Variants in ATP9A observed in about 807,000 individuals in gnomAD.
The protein encoded by ATP9A is ATPase phospholipid transporting 9A.
In ATP9A, 52 loss-of-function variants were observed where a neutral mutation model predicts 144.1. The observed-to-expected ratio is 0.36, with a 90% CI of 0.29 to 0.45. The LOEUF is 0.45. Among genes scored for constraint, ATP9A ranks in the 20% least tolerant of loss-of-function variants. The pLI is 1.00. For missense variants in ATP9A, 947 were observed against 1,392.7 expected (o/e 0.68, Z 5.09); for synonymous variants, 582 against 557.4 (o/e 1.04, Z -0.62).
In ATP9A at chr20:51,639,534, T is replaced by C. The variant is rs753987863; in HGVS notation, c.1507-30A>G. 1.6e-5 allele frequency: 25 copies of C among 1,578,266 alleles called. No individual in the cohort carries two copies. In the Admixed American group the frequency reaches 4.1e-4, roughly 26 times the overall value. On this transcript the variant is annotated intron_variant, in intron 14 of 27. Coordinates refer to ENST00000338821, the MANE Select transcript of ATP9A (RefSeq NM_006045.3). ...ACATAACACAGGGTCGAAGGTCAGA[T>C]GCCCAGCCGAGAATCTGGGTTCACA...
chr20:51,731,702 G>A (rs1033896833), intron 1 of ATP9A, among the ~76,000 whole-genome samples: 29 of 150,662 alleles, frequency 1.9e-4, no homozygotes, highest in African/African-American at 6.2e-4. Context: ...CTGGGTGACA[G>A]AGGGAGACTC....
intron 8 of ATP9A, among the ~76,000 whole-genome samples, chr20:51,689,377 G>A (rs115723798): frequency 2.6e-5 from 4 of 152,078 alleles, no homozygotes; most frequent in African/African-American, 4.8e-5. Flanking sequence ...TTTAAGAAGC[G>A]CAGGCCTCTT....
chr20:51,635,323 T>TACCACCATAGA (rs1302103181), intron 15 of ATP9A, among the ~76,000 whole-genome samples: 1 of 152,128 alleles, frequency 6.6e-6, no homozygotes, highest in East Asian at 1.9e-4. Flanking sequence ...ATGTGGGTCC[T>TACCACCATAGA]ACCACCATAG....
chr20:51,757,479 A>T (rs2077861529), intron 1 of ATP9A, among the ~76,000 whole-genome samples: 2 of 152,170 alleles, frequency 1.3e-5, no homozygotes, highest in South Asian at 4.1e-4. Context: ...TGCCACAGAG[A>T]TTTAATTGGG....
intron 15 of ATP9A, among the ~76,000 whole-genome samples, chr20:51,631,347 C>A (rs1353736636): frequency 6.6e-6 from 1 of 152,178 alleles, no homozygotes; most frequent in Admixed American, 6.5e-5. Context: ...CTGCTCTTGA[C>A]GCAGGCCAAA....
intron 4 of ATP9A, among the ~76,000 whole-genome samples, chr20:51,707,853 TTGTGTG>T (rs146098575): frequency 2.7e-5 from 4 of 150,530 alleles, no homozygotes; most frequent in African/African-American, 7.3e-5. Context: ...TCAACTGTGT[TTGTGTG>T]TGTGTGTGTG....
In ATP9A at chr20:51,651,257, TATATTATATAATATATATTTACATA is replaced by T. The variant is rs1312928175; in HGVS notation, c.1506+5656_1506+5680del. Reference sequence around the variant, plus strand: ...ATTTACATAATATATATTTACATAATATATTATATAATATATATTTACATAATATATTATATAATATATATTTACA... The same window carrying T: ...ATTTACATAATATATATTTACATAATATATATTATATAATATATATTTACA... On this transcript the variant is annotated intron_variant, in intron 14 of 27. Transcript: ENST00000338821. Among the ~76,000 whole-genome samples the T allele has an allele frequency of 5.2e-3, 658 of 125,534 alleles. 18 individuals carry two copies. The highest frequency in any genetic ancestry group is 7.9e-3 in the Non-Finnish European group (458 of 57,782). The allele number at this position is 125,534 out of a possible 152,430, so 82.4% of individuals were successfully genotyped here.
chr20:51,715,834 G>A (rs1470766836), intron 3 of ATP9A, among the ~76,000 whole-genome samples: 3 of 152,154 alleles, frequency 2.0e-5, no homozygotes, highest in Admixed American at 1.3e-4. Context: ...AGCTTTAATG[G>A]GCAGGGGAAG....
intron 9 of ATP9A, among the ~76,000 whole-genome samples, chr20:51,677,305 CA>C (rs2077481568): frequency 6.6e-6 from 1 of 152,108 alleles, no homozygotes; most frequent in Admixed American, 6.6e-5. Flanking sequence ...CTACACTGAC[CA>C]AAAGAACAGT....
chr20:51,733,503 AGCTGGGATTACAG>A (rs1322372014), intron 1 of ATP9A, among the ~76,000 whole-genome samples: 1 of 151,920 alleles, frequency 6.6e-6, no homozygotes, highest in Non-Finnish European at 1.5e-5. Flanking sequence ...CCTCCTGAGT[AGCTGGGATTACAG>A]GCGTGCGCCA....
At chr20:51,675,452 G>A (rs543922723) in intron 10 of ATP9A, among the ~76,000 whole-genome samples, 1 of 152,166 alleles carries the variant, frequency 6.6e-6, no homozygotes, top group African/African-American at 2.4e-5. Flanking sequence ...GACAGGGCAC[G>A]GTGCTTCCTG....
intron 11 of ATP9A, 89 bp from the exon 12 acceptor site, chr20:51,671,346 C>CAAAA: frequency 2.1e-6 from 3 of 1,454,120 alleles, no homozygotes; most frequent in Non-Finnish European, 1.9e-6. Context: ...AACACATGTG[C>CAAAA]CATCGCATCC....
intron 1 of ATP9A, among the ~76,000 whole-genome samples, chr20:51,762,369 G>A (rs375984181): frequency 7.6e-4 from 115 of 152,106 alleles, no homozygotes; most frequent in African/African-American, 2.6e-3. Flanking sequence ...GGTGGCATGC[G>A]CCTGTAGTCC....
intron 1 of ATP9A, among the ~76,000 whole-genome samples, chr20:51,732,986 A>C (rs1162913474): frequency 6.6e-6 from 1 of 151,990 alleles, no homozygotes; most frequent in Non-Finnish European, 1.5e-5. Context: ...GACTGTCTTC[A>C]TAGTTGTACA....
At chr20:51,678,539 A>G (rs916961388) in intron 9 of ATP9A, among the ~76,000 whole-genome samples, 4 of 152,186 alleles carry the variant, frequency 2.6e-5, no homozygotes, top group Non-Finnish European at 5.9e-5. Context: ...GGCAGATGGC[A>G]GGCCAGGGAG....
chr20:51,628,521 G>C (rs1262371161), intron 16 of ATP9A, among the ~76,000 whole-genome samples: 1 of 152,208 alleles, frequency 6.6e-6, no homozygotes, highest in Non-Finnish European at 1.5e-5. Flanking sequence ...TCCATCACCT[G>C]CTCTCTTTGT....
At chr20:51,660,853 T>C (rs914162360) in intron 13 of ATP9A, among the ~76,000 whole-genome samples, 1 of 152,144 alleles carries the variant, frequency 6.6e-6, no homozygotes, top group Non-Finnish European at 1.5e-5. Flanking sequence ...ACATTTCTTC[T>C]TACTTAAAAA....
At chr20:51,659,220 C>T (rs1418624241) in intron 13 of ATP9A, among the ~76,000 whole-genome samples, 3 of 152,128 alleles carry the variant, frequency 2.0e-5, no homozygotes, top group Non-Finnish European at 4.4e-5. Context: ...CTTGCCTTCC[C>T]GTTGCAAGTC....
At chr20:51,620,175 C>T (rs2077220728) in intron 19 of ATP9A, among the ~76,000 whole-genome samples, 1 of 152,174 alleles carries the variant, frequency 6.6e-6, no homozygotes, top group Non-Finnish European at 1.5e-5. Flanking sequence ...CCATCACAAC[C>T]ACTCAGCTCT....
Sources: gnomAD v4.1 joint callset for allele counts (sites outside exome capture counted in the v4.1 genomes callset) on GRCh38, gnomAD v4.1.1 for gene constraint, MANE v1.5 for transcripts, NCBI Gene and HGNC (gene_info 2026-07-23, HGNC 2026-07-21) for gene names.